PMFBP1: variants seen among roughly 807,000 people sequenced by gnomAD.
PMFBP1 encodes the protein polyamine modulated factor 1 binding protein 1.
A neutral mutation model predicts 137.8 loss-of-function variants in PMFBP1; 131 were observed. The observed-to-expected ratio is 0.95, with a 90% CI of 0.82 to 1.10. PMFBP1 has a LOEUF of 1.10. Ranked by LOEUF, PMFBP1 falls within the 50% of genes least tolerant of loss-of-function variation. The probability of loss-of-function intolerance (pLI) is 0.00; values close to 1 mark genes in which losing one functional copy is unlikely to be tolerated. For synonymous variants in PMFBP1, 490 were observed against 450.4 expected, an observed-to-expected ratio of 1.09 and a Z score of -1.11; for missense variants, 1,199 against 1,175.4, an observed-to-expected ratio of 1.02 and a Z score of -0.29.
At chr16:72,241,623 C>T in the PMFBP1 span, among the ~76,000 whole-genome samples, 1 of 152,134 alleles carries the variant, frequency 6.6e-6, no homozygotes, top group Non-Finnish European at 1.5e-5. Flanking sequence ...TTAAATGATT[C>T]CAGAAATAAC....
chr16:72,141,417 C>A (rs1326161312), intron 5 of PMFBP1, among the ~76,000 whole-genome samples: 3 of 152,188 alleles, frequency 2.0e-5, no homozygotes, highest in Non-Finnish European at 4.4e-5. Context: ...ACAGGCAGAT[C>A]TGAATTTTTC....
At chr16:72,198,495 C>T in the PMFBP1 span, among the ~76,000 whole-genome samples, 4 of 152,238 alleles carry the variant, frequency 2.6e-5, no homozygotes, top group South Asian at 2.1e-4. Context: ...TGCTGGATCC[C>T]GCACATCCCC....
At chr16:72,233,954 G>A in the PMFBP1 span, among the ~76,000 whole-genome samples, 1 of 152,056 alleles carries the variant, frequency 6.6e-6, no homozygotes, top group Admixed American at 6.6e-5. Context: ...CATTGTATGG[G>A]CAAACCATAT....
chr16:72,195,991 G>A, the PMFBP1 span, among the ~76,000 whole-genome samples: 109 of 36,432 alleles, frequency 3.0e-3, 2 homozygotes, highest in East Asian at 0.026. Context: ...ATGTGTGTGT[G>A]TGTGTGTGTG....
At chr16:72,182,495 CAAA>C in the PMFBP1 span, among the ~76,000 whole-genome samples, 2 of 74,046 alleles carry the variant, frequency 2.7e-5, no homozygotes, top group Admixed American at 3.1e-4. Flanking sequence ...AACTCTGCCT[CAAA>C]AAAAAAAAAA....
At chr16:72,177,320 C>T (rs1185252804), upstream of PMFBP1, among the ~76,000 whole-genome samples, 3 of 152,202 alleles carry the variant, frequency 2.0e-5, no homozygotes, top group African/African-American at 7.2e-5. Context: ...ATATGCCAGG[C>T]AGTGTTCTGA....
At chr16:72,207,203 AG>A in the PMFBP1 span, among the ~76,000 whole-genome samples, 1 of 152,134 alleles carries the variant, frequency 6.6e-6, no homozygotes, top group African/African-American at 2.4e-5. Context: ...GAAGATGGAG[AG>A]GCCAATGAGA....
chr16:72,131,194 G>A (rs1019840714), intron 10 of PMFBP1, among the ~76,000 whole-genome samples: 1 of 152,184 alleles, frequency 6.6e-6, no homozygotes, highest in South Asian at 2.1e-4. Flanking sequence ...TTCCAGGGGC[G>A]GGGATTGTTA....
the PMFBP1 span, among the ~76,000 whole-genome samples, chr16:72,227,208 A>G: frequency 6.6e-6 from 1 of 152,342 alleles, no homozygotes; most frequent in South Asian, 2.1e-4. Context: ...TCAAGGTTAT[A>G]TGGCTAATAA....
At chr16:72,242,247 G>C in the PMFBP1 span, among the ~76,000 whole-genome samples, 1 of 152,212 alleles carries the variant, frequency 6.6e-6, no homozygotes, top group Non-Finnish European at 1.5e-5. Flanking sequence ...GCGCATTAGC[G>C]CACTAGATTA....
chr16:72,150,822 A>G lies in PMFBP1; in HGVS notation c.422T>C (p.Leu141Pro). Residue 141 changes from leucine (L) to proline (P), a missense_variant, in exon 5 of 21, where the codon CTC (leucine) becomes CCC (proline). By Grantham distance (98) the Leu-to-Pro change is moderately conservative (BLOSUM62 -3). Coordinates refer to ENST00000237353, the MANE Select transcript of PMFBP1 (RefSeq NM_031293.3). Reference sequence around the variant, plus strand: ...GTGATTTCCCATTTCCTCCTCATAGAGAATCACCTGTAGGTGTAGGAATAA... The same window carrying G: ...GTGATTTCCCATTTCCTCCTCATAGGGAATCACCTGTAGGTGTAGGAATAA... ...HCKLKEDEVILYEEEMGNHNE... is the reference protein window; with the variant it reads ...HCKLKEDEVIPYEEEMGNHNE... 1.2e-6 allele frequency: 2 copies of G among 1,613,290 alleles called. No homozygotes were observed.
chr16:72,189,312 C>A, the PMFBP1 span, among the ~76,000 whole-genome samples: 1 of 152,220 alleles, frequency 6.6e-6, no homozygotes, highest in Non-Finnish European at 1.5e-5. Flanking sequence ...CCCTCAGCCA[C>A]CACATGCTGC....
chr16:72,119,235 C>G lies in PMFBP1; in HGVS notation c.*103G>C. 1 of 1,324,204 alleles carries G rather than the reference C, an allele frequency of 7.6e-7. No individual in the cohort carries two copies. 82.0% of individuals were successfully genotyped at this position (1,324,204 alleles called of 1,614,324 possible). ...CAAAATAGGCTGGGACCGTGATATA[C>G]TCCTGTAAGAGCTGATCCAGGTCAA... On this transcript the variant is annotated 3_prime_UTR_variant, in exon 21 of 21. Transcript: ENST00000237353.
the PMFBP1 span, among the ~76,000 whole-genome samples, chr16:72,192,686 C>T: frequency 1.1e-3 from 163 of 151,866 alleles, 1 homozygote; most frequent in Non-Finnish European, 6.5e-4. Context: ...AAGACCATCC[C>T]ACGTCAGGAG....
At chr16:72,118,566 A>G (rs2042330934), downstream of PMFBP1, among the ~76,000 whole-genome samples, 1 of 152,182 alleles carries the variant, frequency 6.6e-6, no homozygotes. Context: ...ATATTACCCT[A>G]GTAGTGAGTT....
the PMFBP1 span, among the ~76,000 whole-genome samples, chr16:72,193,506 T>G: frequency 6.6e-6 from 1 of 152,118 alleles, no homozygotes; most frequent in African/African-American, 2.4e-5. Context: ...TTATCTGTAT[T>G]TTTTGTCTTT....
At chr16:72,121,755 G>T (rs957825684) in intron 19 of PMFBP1, among the ~76,000 whole-genome samples, 58 of 152,246 alleles carry the variant, frequency 3.8e-4, no homozygotes, top group African/African-American at 1.3e-3. Flanking sequence ...CTCCCAATTA[G>T]CTGGGACTGT....
In PMFBP1 at chr16:72,154,573, T is replaced by G. The variant is rs907946339; in HGVS notation, c.166-114A>C. The G allele has an allele frequency of 2.4e-6, 3 of 1,224,850 alleles. No homozygotes were observed. The African/African-American group carries it at 4.6e-5, about 19-fold the overall frequency. 75.9% of individuals were successfully genotyped at this position (1,224,850 alleles called of 1,614,324 possible). On this transcript the variant is annotated intron_variant, in intron 3 of 20. Coordinates refer to ENST00000237353, the MANE Select transcript of PMFBP1 (RefSeq NM_031293.3). ...ATTCACATCCATCTATCCATCTTTTTATCTTTTCATCTACAGAGATCTTAT... is the reference window on the plus strand; with the variant it reads ...ATTCACATCCATCTATCCATCTTTTGATCTTTTCATCTACAGAGATCTTAT...
the PMFBP1 span, among the ~76,000 whole-genome samples, chr16:72,211,286 A>T: frequency 0.52 from 78,311 of 151,966 alleles, 21,584 homozygotes; most frequent in African/African-American, 0.71. Context: ...CACCTCCCAG[A>T]CTCAGTGCAC....
Sources: allele counts gnomAD v4.1 joint callset (sites outside exome capture counted in the v4.1 genomes callset), GRCh38; gene constraint gnomAD v4.1.1; transcripts MANE v1.5; gene names NCBI Gene and HGNC (gene_info 2026-07-23, HGNC 2026-07-21).